Variants in BAZ1B observed in about 807,000 individuals in gnomAD.
BAZ1B encodes the protein tyrosine-protein kinase BAZ1B.
BAZ1B carries 22 observed loss-of-function variants against 153.8 expected under a neutral mutation model. The ratio of observed to expected loss-of-function variants is 0.14; its 90% CI spans 0.10 to 0.20. The LOEUF is 0.20. BAZ1B is among the 10% of genes least tolerant of loss of function. BAZ1B has a pLI of 1.00. For missense variants in BAZ1B, 1,325 were observed against 1,799.3 expected (o/e 0.74, Z 4.77); for synonymous variants, 676 against 633.4 (o/e 1.07, Z -1.01).
chr7:73,508,301 C>G, intron 3 of BAZ1B, 26 bp downstream of exon 3: 1 of 1,606,016 alleles, frequency 6.2e-7, no homozygotes, highest in Non-Finnish European at 8.5e-7. Flanking sequence ...GATGGTAAGT[C>G]AAATCAGAAA....
At chr7:73,467,189 T>TC (rs1402864772) in intron 9 of BAZ1B, among the ~76,000 whole-genome samples, 4 of 151,870 alleles carry the variant, frequency 2.6e-5, no homozygotes, top group Non-Finnish European at 1.5e-5. Context: ...CGCCTTGGCC[T>TC]CCCAAGTGCT....
chr7:73,476,297 T>C lies in BAZ1B; in HGVS notation c.2593+571A>G, dbSNP rs558632373. ...TTATACACAATAAGTGAACTAATTATACTGTATGTCGATTATTTCTTAATA... is the reference window on the plus strand; with the variant it reads ...TTATACACAATAAGTGAACTAATTACACTGTATGTCGATTATTTCTTAATA... On this transcript the variant is annotated intron_variant, in intron 7 of 19. Coordinates refer to ENST00000339594, the MANE Select transcript of BAZ1B (RefSeq NM_032408.4). Among the ~76,000 whole-genome samples, 97 of 152,330 alleles carry C rather than the reference T, an allele frequency of 6.4e-4. 1 individual carries two copies. Among genetic ancestry groups the C allele is most frequent in the African/African-American group, 2.2e-3 (91 of 41,574 alleles).
intron 17 of BAZ1B, among the ~76,000 whole-genome samples, chr7:73,443,122 G>C (rs1787691423): frequency 6.6e-6 from 1 of 152,166 alleles, no homozygotes; most frequent in Non-Finnish European, 1.5e-5. Flanking sequence ...GGCTGAAGGG[G>C]GCTACTGTCA....
chr7:73,478,102 G>C lies in BAZ1B; in HGVS notation c.1359C>G (p.Ala453=). 6.2e-7 allele frequency: 1 copy of C among 1,614,164 alleles called. No homozygotes were observed. Among genetic ancestry groups the C allele is most frequent in the Non-Finnish European group, 8.5e-7 (1 of 1,180,042 alleles). ...TAGGTGTACCCCCAGAATTCCGTGG[G>C]GCTCGTGTCATCTTCTGCGTGCCTT... ...MAKGTQKMTR[A]PRNSGGTPRT... The change falls in exon 7 of 20, where the codon GCC becomes GCG. Residue 453 remains alanine, a synonymous_variant. Transcript: ENST00000339594.
intron 13 of BAZ1B, among the ~76,000 whole-genome samples, chr7:73,456,431 CAT>C (rs1788201876): frequency 6.6e-6 from 1 of 152,042 alleles, no homozygotes; most frequent in Admixed American, 6.6e-5. Flanking sequence ...TTATCAAGGA[CAT>C]ATAAAGAACT....
chr7:73,491,088 C>A (rs1404655731), intron 5 of BAZ1B, among the ~76,000 whole-genome samples: 1 of 151,610 alleles, frequency 6.6e-6, no homozygotes, highest in African/African-American at 2.4e-5. Flanking sequence ...GAGTTCAAGA[C>A]CAGCCTGGCC....
intron 7 of BAZ1B, among the ~76,000 whole-genome samples, chr7:73,474,572 C>T (rs1301220068): frequency 1.3e-5 from 2 of 152,088 alleles, no homozygotes; most frequent in Non-Finnish European, 2.9e-5. Context: ...GTCAGGAGTT[C>T]GAGACCTTGC....
intron 6 of BAZ1B, among the ~76,000 whole-genome samples, chr7:73,479,338 G>A (rs939412944): frequency 1.3e-4 from 19 of 151,590 alleles, no homozygotes; most frequent in Non-Finnish European, 1.0e-4. Flanking sequence ...GTGAAACCCC[G>A]TCTCTACTAA....
intron 6 of BAZ1B, among the ~76,000 whole-genome samples, chr7:73,480,550 T>A (rs1250027156): frequency 6.6e-6 from 1 of 152,214 alleles, no homozygotes; most frequent in African/African-American, 2.4e-5. Context: ...AACTGTTGCT[T>A]TATGTGATTA....
intron 7 of BAZ1B, among the ~76,000 whole-genome samples, chr7:73,473,908 T>C (rs1465612801): frequency 2.6e-5 from 4 of 152,154 alleles, no homozygotes; most frequent in African/African-American, 7.2e-5. Flanking sequence ...AAGGCTGCAG[T>C]GAGCTGAGAT....
chr7:73,449,543 T>C lies in BAZ1B; in HGVS notation c.3727A>G (p.Arg1243Gly). ...PATARRNSRG[R>G]NYTEESASED... is the part of the protein sequence containing the mutation. ...ATTTTTAAAAGAAAAGATTCTCACC[T>C]GCCACGGGAGTTGCGCCTGGCAGTA... Residue 1243 changes from arginine to glycine, a missense_variant and splice_region_variant, in exon 15 of 20, where the codon AGG (arginine) becomes GGG (glycine). This residue lies in a region of BAZ1B where 271 missense variants were observed against 337.2 expected (regional missense o/e 0.80). Transcript: ENST00000339594. 4.4e-6 allele frequency: 7 copies of C among 1,606,338 alleles called. No homozygotes were observed. The highest frequency in any genetic ancestry group is 1.3e-5 in the African/African-American group (1 of 74,606).
At chr7:73,521,375 A>C (rs1407809287) in intron 1 of BAZ1B, among the ~76,000 whole-genome samples, 5 of 152,218 alleles carry the variant, frequency 3.3e-5, no homozygotes, top group African/African-American at 1.2e-4. Flanking sequence ...ACGCCGCATC[A>C]CGAGGCCGCG....
chr7:73,459,444 T>A, intron 13 of BAZ1B, 92 bp downstream of exon 13: 1 of 1,299,628 alleles, frequency 7.7e-7, no homozygotes, highest in Non-Finnish European at 1.1e-6. Context: ...GCACAGTGCC[T>A]ATAGCAGCTA....
intron 16 of BAZ1B, 152 bp downstream of exon 16, chr7:73,447,112 A>C (rs1467341083): frequency 7.0e-7 from 1 of 1,434,504 alleles, no homozygotes; most frequent in Non-Finnish European, 9.5e-7. Context: ...AACCCATTTA[A>C]ACCCATGGCA....
chr7:73,467,635 T>C (rs1788645867), intron 9 of BAZ1B, among the ~76,000 whole-genome samples: 1 of 152,228 alleles, frequency 6.6e-6, no homozygotes. Flanking sequence ...CCTCCCAAAG[T>C]GCTGGGATTA....
rs781809533 is a variant in BAZ1B, at chr7:73,449,527, A to C, written c.3728+15T>G. The C allele has an allele frequency of 6.3e-7, 1 of 1,597,724 alleles. No homozygotes were observed. The highest frequency in any genetic ancestry group is 1.8e-5 in the Admixed American group (1 of 54,814). ...ATTTATTCATTCAATTATTTTTAAA[A>C]GAAAAGATTCTCACCTGCCACGGGA... On this transcript the variant is annotated intron_variant, in intron 15 of 19. Transcript: ENST00000339594.
chr7:73,494,811 T>C (rs1789810032), intron 4 of BAZ1B, among the ~76,000 whole-genome samples: 1 of 152,212 alleles, frequency 6.6e-6, no homozygotes. Context: ...GTCAAAATTC[T>C]TCCAGTTCGT....
chr7:73,469,342 G>A (rs142589638), intron 9 of BAZ1B, among the ~76,000 whole-genome samples, 175 bp downstream of exon 9: 1 of 152,270 alleles, frequency 6.6e-6, no homozygotes, highest in Non-Finnish European at 1.5e-5. Flanking sequence ...GTAATCAAAC[G>A]TGGGTTTCTC....
chr7:73,471,906 C>T (rs1487627832), intron 7 of BAZ1B, among the ~76,000 whole-genome samples: 2 of 150,380 alleles, frequency 1.3e-5, no homozygotes, highest in Non-Finnish European at 3.0e-5. Flanking sequence ...TGAGTGATGG[C>T]CCAATTACAA....
Sources: gnomAD v4.1 joint callset for allele counts (sites outside exome capture counted in the v4.1 genomes callset) on GRCh38, gnomAD v4.1.1 for gene constraint, gnomAD v4.1.1 regional missense constraint, MANE v1.5 for transcripts, NCBI Gene and HGNC (gene_info 2026-07-23, HGNC 2026-07-21) for gene names.